Variants in ADAM9 observed in about 807,000 individuals in gnomAD.
The protein encoded by ADAM9 is disintegrin and metalloproteinase domain-containing protein 9.
ADAM9 carries 54 observed loss-of-function variants against 108.1 expected under a neutral mutation model. The ratio of observed to expected loss-of-function variants is 0.50; its 90% CI spans 0.40 to 0.63. The LOEUF is 0.63. ADAM9 is among the 20% of genes least tolerant of loss of function. The probability of loss-of-function intolerance (pLI) is 0.00; values close to 1 mark genes in which losing one functional copy is unlikely to be tolerated. For synonymous variants in ADAM9, 316 were observed against 336.0 expected (o/e 0.94, Z 0.65); for missense variants, 830 against 997.7 (o/e 0.83, Z 2.26).
At chr8:39,051,787 C>T (rs1417320338) in intron 12 of ADAM9, among the ~76,000 whole-genome samples, 1 of 152,090 alleles carries the variant, frequency 6.6e-6, no homozygotes, top group Non-Finnish European at 1.5e-5. Context: ...AGACATAGCC[C>T]TTTAATTTGC....
At chr8:39,035,231 C>T (rs1473491665) in intron 11 of ADAM9, among the ~76,000 whole-genome samples, 1 of 152,022 alleles carries the variant, frequency 6.6e-6, no homozygotes. Flanking sequence ...TAAACTTATC[C>T]ATTGAATTAT....
intron 16 of ADAM9, among the ~76,000 whole-genome samples, chr8:39,077,871 G>T (rs1417323376): frequency 2.6e-5 from 4 of 152,154 alleles, no homozygotes; most frequent in Non-Finnish European, 5.9e-5. Context: ...GATGCCCTGG[G>T]CCAAATTCCT....
intron 1 of ADAM9, among the ~76,000 whole-genome samples, chr8:39,002,066 A>G (rs895517739): frequency 2.0e-5 from 3 of 151,140 alleles, no homozygotes; most frequent in African/African-American, 7.3e-5. Flanking sequence ...CAAAAACTGC[A>G]ATTACTTTTG....
chr8:39,089,736 C>T (rs1839289537), intron 18 of ADAM9: 2 of 357,172 alleles, frequency 5.6e-6, no homozygotes, highest in Admixed American at 7.8e-5. Context: ...ACTGATGCAC[C>T]AAATGGTATA....
intron 11 of ADAM9, among the ~76,000 whole-genome samples, chr8:39,039,420 C>T (rs1267265933): frequency 6.6e-6 from 1 of 152,142 alleles, no homozygotes; most frequent in Admixed American, 6.5e-5. Flanking sequence ...CAAAGAGCAC[C>T]TATAATCTCT....
rs1397631276 is a variant in ADAM9, at chr8:39,016,279, T to C, written c.410+85T>C. ...GTTTCTGTCTCCAAATTAAATCATT[T>C]TGGGCACTTAGCAAAATTGGAATTT... On this transcript the variant is annotated intron_variant, in intron 5 of 21. Coordinates refer to ENST00000487273, the MANE Select transcript of ADAM9 (RefSeq NM_003816.3). 3.2e-6 allele frequency: 4 copies of C among 1,261,440 alleles called. No homozygotes were observed. The African/African-American group carries it at 4.4e-5, about 14-fold the overall frequency. The allele number at this position is 1,261,440 out of a possible 1,614,324, so 78.1% of individuals were successfully genotyped here. A position where few individuals can be genotyped will look rare whatever the true frequency, so the allele number is the denominator to read the frequency against.
chr8:39,038,847 TTG>T (rs1323816368), intron 11 of ADAM9, among the ~76,000 whole-genome samples: 3 of 152,236 alleles, frequency 2.0e-5, no homozygotes, highest in Non-Finnish European at 4.4e-5. Context: ...AGTCAGAATT[TTG>T]TCTTTGCCTA....
At chr8:39,006,915 A>G (rs1012693684) in intron 1 of ADAM9, among the ~76,000 whole-genome samples, 1 of 152,216 alleles carries the variant, frequency 6.6e-6, no homozygotes, top group Non-Finnish European at 1.5e-5. Context: ...TTGAGTATGT[A>G]TTTGTCAGAG....
chr8:39,023,740 G>GTTTTTTTTTTTTTT (rs869059346), intron 9 of ADAM9, among the ~76,000 whole-genome samples: 1 of 78,900 alleles, frequency 1.3e-5, no homozygotes, highest in Non-Finnish European at 2.3e-5. Flanking sequence ...TTTTGCGTTT[G>GTTTTTTTTTTTTTT]TTTTTTTTTT....
rs550853807 is a variant in ADAM9, at chr8:39,025,057, G to A, written c.915-746G>A. 3.9e-5 allele frequency among the ~76,000 whole-genome samples: 6 copies of A among 152,032 alleles called. No individual in the cohort carries two copies. The South Asian group carries it at 1.2e-3, about 32-fold the overall frequency. ...GTGCTGAGGTACAGGTGTGTGGGGT[G>A]TGACTGGGGAGGCACACAGGGCCCA... On this transcript the variant is annotated intron_variant, in intron 9 of 21. Transcript: ENST00000487273.
chr8:39,024,173 C>T (rs771624588), intron 9 of ADAM9, among the ~76,000 whole-genome samples: 7 of 152,092 alleles, frequency 4.6e-5, no homozygotes, highest in East Asian at 1.9e-4. Flanking sequence ...CCTGTTTTTC[C>T]CCGTCACTGG....
At chr8:39,055,849 A>G in intron 14 of ADAM9, 77 bp downstream of exon 14, 2 of 1,410,446 alleles carry the variant, frequency 1.4e-6, no homozygotes, top group Non-Finnish European at 1.9e-6. Flanking sequence ...AAGGTAATGA[A>G]ACATTATTGA....
chr8:39,007,770 A>G, intron 1 of ADAM9, 116 bp from the exon 2 acceptor site: 2 of 723,572 alleles, frequency 2.8e-6, no homozygotes, highest in Middle Eastern at 3.8e-4. Context: ...GCATATTGTA[A>G]TATGGGAATG....
At chr8:38,998,767 C>T (rs967154576) in intron 1 of ADAM9, among the ~76,000 whole-genome samples, 1 of 151,422 alleles carries the variant, frequency 6.6e-6, no homozygotes, top group Admixed American at 6.6e-5. Flanking sequence ...TATGGTGGGG[C>T]GGGGGGCGTA....
chr8:39,001,339 ATGTT>A (rs1489908371), intron 1 of ADAM9, among the ~76,000 whole-genome samples: 2 of 152,274 alleles, frequency 1.3e-5, no homozygotes, highest in African/African-American at 2.4e-5. Flanking sequence ...TATCAGAACT[ATGTT>A]TGTTTAGCTG....
intron 21 of ADAM9, among the ~76,000 whole-genome samples, chr8:39,102,449 TC>T (rs1283137304): frequency 6.6e-6 from 1 of 152,066 alleles, no homozygotes; most frequent in Non-Finnish European, 1.5e-5. Flanking sequence ...AGGAGAGCTT[TC>T]TACAAACTCA....
At chr8:39,070,856 C>G (rs1338252627) in intron 14 of ADAM9, among the ~76,000 whole-genome samples, 1 of 151,660 alleles carries the variant, frequency 6.6e-6, no homozygotes, top group Non-Finnish European at 1.5e-5. Flanking sequence ...ACATCTAAAC[C>G]AAGCATCCAT....
rs1013644959 is a variant in ADAM9 at position 39,082,509 on chromosome 8, G to A, written c.1882-132G>A. 1.4e-5 allele frequency: 9 copies of A among 637,902 alleles called. No homozygotes were observed. The African/African-American group carries it at 1.7e-4, about 12-fold the overall frequency. 39.5% of individuals were successfully genotyped at this position (637,902 alleles called of 1,614,324 possible). ...TTCTGCATTTTTAAAAATATAATAT[G>A]GGAATTAATGGTTCCTTGAAAGTTT... On this transcript the variant is annotated intron_variant, in intron 16 of 21. Coordinates refer to ENST00000487273, the MANE Select transcript of ADAM9 (RefSeq NM_003816.3).
chr8:39,047,185 G>T (rs1404783088), intron 12 of ADAM9, among the ~76,000 whole-genome samples: 1 of 152,162 alleles, frequency 6.6e-6, no homozygotes, highest in Admixed American at 6.5e-5. Context: ...TTAATGTGCT[G>T]CTGAATTTGG....
Sources: allele counts gnomAD v4.1 joint callset (sites outside exome capture counted in the v4.1 genomes callset), GRCh38; gene constraint gnomAD v4.1.1; transcripts MANE v1.5; gene names NCBI Gene and HGNC (gene_info 2026-07-23, HGNC 2026-07-21).